KARS1: variants seen among roughly 807,000 people sequenced by gnomAD.
KARS1 encodes lysyl-tRNA synthetase 1.
KARS1 carries 50 observed loss-of-function variants against 63.9 expected under a neutral mutation model. The ratio of observed to expected loss-of-function variants is 0.78; its 90% CI spans 0.62 to 0.99. KARS1 has a LOEUF of 0.99. Ranked by LOEUF, KARS1 falls within the 50% of genes least tolerant of loss-of-function variation. KARS1 has a pLI of 0.00. For synonymous variants in KARS1, 320 were observed against 264.6 expected (o/e 1.21, Z -2.03); for missense variants, 816 against 754.5 (o/e 1.08, Z -0.95).
intron 8 of KARS1, 41 bp downstream of exon 8, chr16:75,631,652 A>G (rs1269027706): frequency 2.5e-6 from 4 of 1,613,876 alleles, no homozygotes; most frequent in African/African-American, 1.3e-5. Flanking sequence ...TGAAAGCAGC[A>G]TACCAACCAC....
At chr16:75,633,755 G>GATCCATCC (rs2082134839) in intron 7 of KARS1, among the ~76,000 whole-genome samples, 1 of 152,178 alleles carries the variant, frequency 6.6e-6, no homozygotes, top group Non-Finnish European at 1.5e-5. Context: ...GACCTCAAGT[G>GATCCATCC]ATCCATCCGC....
Position 75,634,216 on chromosome 16 carries a change from T to C in KARS1, c.872A>G (p.Asp291Gly), listed in dbSNP as rs749348050. 41 of 1,613,942 alleles carry C rather than the reference T, an allele frequency of 2.5e-5. No individual in the cohort carries two copies. Among genetic ancestry groups the C allele is most frequent in the Non-Finnish European group, 3.4e-5 (40 of 1,179,880 alleles). ...AGCAATTCTCATATATAAGTTCATGTCCAGCTCGTTGTGATAAGTGATGAA... is the reference window on the plus strand; with the variant it reads ...AGCAATTCTCATATATAAGTTCATGCCCAGCTCGTTGTGATAAGTGATGAA... ...KPFITYHNELDMNLYMRIAPE... is the reference protein window; with the variant it reads ...KPFITYHNELGMNLYMRIAPE... The change falls in exon 7 of 14, where the codon GAC becomes GGC. Residue 291 changes from aspartate (D) to glycine (G), a missense_variant. By Grantham distance (94) the Asp-to-Gly change is moderately conservative (BLOSUM62 -1). Transcript: ENST00000302445.
Position 75,628,905 on chromosome 16 carries a change from C to A in KARS1, c.1552-193G>T, listed in dbSNP as rs1420036494. On this transcript the variant is annotated intron_variant, in intron 12 of 13. Coordinates refer to ENST00000302445, the MANE Select transcript of KARS1 (RefSeq NM_005548.3). The stretch of plus-strand genomic sequence containing the variant: ...TCTTTCAAAGACCTGGAGGTCAGGA[C>A]TGATGAAATCGACCTCAGAACACAT... 7.7e-6 allele frequency: 5 copies of A among 651,732 alleles called. No individual in the cohort carries two copies. The highest frequency in any genetic ancestry group is 1.4e-5 in the Non-Finnish European group (5 of 368,062). The allele number at this position is 651,732 out of a possible 1,614,324, so 40.4% of individuals were successfully genotyped here.
intron 1 of KARS1, among the ~76,000 whole-genome samples, chr16:75,644,633 C>T (rs2082261538): frequency 6.6e-6 from 1 of 152,224 alleles, no homozygotes; most frequent in South Asian, 2.1e-4. Context: ...TGTGCTACAA[C>T]TGTAACTGAC....
At chr16:75,628,104 G>A (rs2082071159) in intron 13 of KARS1, 111 bp from the exon 14 acceptor site, 2 of 759,480 alleles carry the variant, frequency 2.6e-6, no homozygotes, top group African/African-American at 1.7e-5. Context: ...CCAGAGATTA[G>A]TATATTCCAG....
chr16:75,633,986 C>A, intron 7 of KARS1, 187 bp downstream of exon 7: 2 of 697,140 alleles, frequency 2.9e-6, no homozygotes, highest in South Asian at 1.4e-5. Context: ...CTCTGCCCTA[C>A]AATGCTCTAT....
At chr16:75,647,031 T>C (rs1458271692) in intron 1 of KARS1, among the ~76,000 whole-genome samples, 1 of 152,230 alleles carries the variant, frequency 6.6e-6, no homozygotes, top group African/African-American at 2.4e-5. Flanking sequence ...TGGTCTCTAC[T>C]GTTAGACGTT....
In KARS1 at chr16:75,628,915, C is replaced by A. The variant is rs536748840; in HGVS notation, c.1552-203G>T. 6.3e-6 allele frequency: 4 copies of A among 631,916 alleles called. No individual in the cohort carries two copies. In the East Asian group the frequency reaches 1.1e-4, roughly 18 times the overall value. 39.1% of individuals were successfully genotyped at this position (631,916 alleles called of 1,614,324 possible). A position where few individuals can be genotyped will look rare whatever the true frequency, so the allele number is the denominator to read the frequency against. On this transcript the variant is annotated intron_variant, in intron 12 of 13. Coordinates refer to ENST00000302445, the MANE Select transcript of KARS1 (RefSeq NM_005548.3). ...ACCTGGAGGTCAGGACTGATGAAATCGACCTCAGAACACATACAAATTTCT... is the reference window on the plus strand; with the variant it reads ...ACCTGGAGGTCAGGACTGATGAAATAGACCTCAGAACACATACAAATTTCT...
At position 75,641,709 on chromosome 16, in the gene KARS1, C is replaced by A. The variant is rs779473612; in HGVS notation, c.77G>T (p.Arg26Leu). 1.9e-6 allele frequency: 3 copies of A among 1,613,716 alleles called. No homozygotes were observed. In the African/African-American group the frequency reaches 4.0e-5, roughly 22 times the overall value. The change falls in exon 2 of 14, where the codon CGC (arginine) becomes CTC (leucine). Residue 26 changes from arginine (R) to leucine (L), a missense_variant. Coordinates refer to ENST00000302445, the MANE Select transcript of KARS1 (RefSeq NM_005548.3). ...TGCTACTTTCTTCTCAGCTTTCAGG[C>A]GTCTCTTCAGCTCACTGTTGGAAAG... ...PKLSKNELKR[R>L]LKAEKKVAEK...
At chr16:75,639,467 G>C (rs1261136603) in intron 3 of KARS1, among the ~76,000 whole-genome samples, 1 of 151,434 alleles carries the variant, frequency 6.6e-6, no homozygotes, top group Non-Finnish European at 1.5e-5. Context: ...AGGTACTCGG[G>C]AGGCTGAGGC....
In KARS1 at chr16:75,627,967, T is replaced by C. The variant is rs757309903; in HGVS notation, c.1722A>G (p.Lys574=). 6.2e-7 allele frequency: 1 copy of C among 1,610,144 alleles called. No individual in the cohort carries two copies. The highest frequency in any genetic ancestry group is 1.3e-5 in the African/African-American group (1 of 74,820). The change falls in exon 14 of 14, where the codon AAA becomes AAG. Residue 574 remains lysine (K), a synonymous_variant. Coordinates refer to ENST00000302445, the MANE Select transcript of KARS1 (RefSeq NM_005548.3). ...IKEVLLFPAM[K]PEDKKENVAT... is the part of the protein sequence containing the mutation. Reference sequence around the variant, plus strand: ...CTACATTCTCCTTCTTGTCTTCGGGTTTCATGGCAGGAAACAGAAGTACTT... The same window carrying C: ...CTACATTCTCCTTCTTGTCTTCGGGCTTCATGGCAGGAAACAGAAGTACTT...
intron 12 of KARS1, 71 bp downstream of exon 12, chr16:75,629,344 C>T: frequency 6.3e-7 from 1 of 1,592,802 alleles, no homozygotes; most frequent in Non-Finnish European, 8.6e-7. Flanking sequence ...TATACGCTGA[C>T]ACAGATCAGG....
At chr16:75,633,611 G>A (rs757973474) in intron 7 of KARS1, among the ~76,000 whole-genome samples, 10 of 149,248 alleles carry the variant, frequency 6.7e-5, no homozygotes, top group Admixed American at 2.0e-4. Flanking sequence ...TCCGCCTCCC[G>A]GGTTCAAGCA....
rs2082102569 is a variant in KARS1, at chr16:75,630,702, C to T, written c.1339-194G>A. Among the ~76,000 whole-genome samples the T allele has an allele frequency of 2.0e-5, 3 of 152,072 alleles. 1 individual carries two copies. The South Asian group carries it at 6.2e-4, about 31-fold the overall frequency. ...CCAGGCTGGAGTGCAGTGGCATGAT[C>T]TCGGCTTGCTGCAACCTCCGCATCC... is the stretch of plus-strand genomic sequence containing the variant. On this transcript the variant is annotated intron_variant, in intron 10 of 13. Coordinates refer to ENST00000302445, the MANE Select transcript of KARS1 (RefSeq NM_005548.3).
intron 4 of KARS1, 47 bp downstream of exon 4, chr16:75,636,407 G>A: frequency 8.3e-7 from 1 of 1,197,938 alleles, no homozygotes; most frequent in Non-Finnish European, 1.2e-6. Flanking sequence ...TTGCTGTGTT[G>A]CTCTAGGCCA....
intron 1 of KARS1, among the ~76,000 whole-genome samples, chr16:75,644,771 T>C (rs1448118872): frequency 6.6e-6 from 1 of 152,228 alleles, no homozygotes; most frequent in Non-Finnish European, 1.5e-5. Flanking sequence ...TGTGAGGCAC[T>C]TTCTGAAGCC....
intron 13 of KARS1, 58 bp from the exon 14 acceptor site, chr16:75,628,051 G>T: frequency 1.0e-6 from 1 of 988,620 alleles, no homozygotes; most frequent in Admixed American, 1.7e-5. Context: ...TTTTTTCACA[G>T]CTATCTACCC....
intron 7 of KARS1, among the ~76,000 whole-genome samples, chr16:75,633,586 C>T (rs1453136000): frequency 4.7e-5 from 7 of 147,608 alleles, no homozygotes; most frequent in Non-Finnish European, 8.9e-5. Context: ...TGCAGGATCT[C>T]GGCTCACTGC....
In KARS1 at chr16:75,636,033, C is replaced by T; in HGVS notation, c.548G>A (p.Gly183Glu). 1 of 1,610,580 alleles carries T rather than the reference C, an allele frequency of 6.2e-7. No homozygotes were observed. The highest frequency in any genetic ancestry group is 8.5e-7 in the Non-Finnish European group (1 of 1,176,810). ...GGTTTTACCAGGATTCCCCTGAACT[C>T]CAATTATGTCTCCCCGACGCAGTTT... is the stretch of plus-strand genomic sequence containing the variant. ...NNKLRRGDIIGVQGNPGKTKK... is the reference protein window; with the variant it reads ...NNKLRRGDIIEVQGNPGKTKK... The change falls in exon 5 of 14, where the codon GGA becomes GAA. Residue 183 changes from glycine to glutamate, a missense_variant. Gly to Glu is a moderately conservative substitution (Grantham distance 98, BLOSUM62 -2). Coordinates refer to ENST00000302445, the MANE Select transcript of KARS1 (RefSeq NM_005548.3).
Sources: allele counts gnomAD v4.1 joint callset (sites outside exome capture counted in the v4.1 genomes callset), GRCh38; gene constraint gnomAD v4.1.1; transcripts MANE v1.5; gene names NCBI Gene and HGNC (gene_info 2026-07-23, HGNC 2026-07-21).